The following TANGO6 variants were observed in gnomAD, a reference collection of about 807,000 sequenced individuals.
TANGO6 encodes the protein transport and golgi organization 6 homolog.
TANGO6 carries 90 observed loss-of-function variants against 114.2 expected under a neutral mutation model. The observed-to-expected ratio is 0.79, with a 90% CI of 0.66 to 0.94. TANGO6 has a LOEUF of 0.94. Among genes scored for constraint, TANGO6 ranks in the 40% least tolerant of loss-of-function variants. TANGO6 has a pLI of 0.00. For missense variants in TANGO6, 1,274 were observed against 1,315.3 expected (o/e 0.97, Z 0.49); for synonymous variants, 477 against 509.8 (o/e 0.94, Z 0.87).
In TANGO6 at chr16:68,907,557, C is replaced by T; in HGVS notation, c.1782C>T (p.Phe594=). ...HCQECGLAGD[F]FIFCLKELTH... is the part of the protein sequence containing the mutation. ...AGGAATGCGGTTTGGCAGGAGACTT[C>T]TTCATCTTCTGTTTGAAAGTAAGAA... The change falls in exon 10 of 18, where the codon TTC becomes TTT. Residue 594 remains phenylalanine (F), a synonymous_variant. Coordinates refer to ENST00000261778, the MANE Select transcript of TANGO6 (RefSeq NM_024562.2). 3 of 1,612,934 alleles carry T rather than the reference C, an allele frequency of 1.9e-6. No homozygotes were observed. The highest frequency in any genetic ancestry group is 2.5e-6 in the Non-Finnish European group (3 of 1,179,562).
chr16:68,882,475 T>C (rs958156959), intron 7 of TANGO6, among the ~76,000 whole-genome samples: 92 of 150,544 alleles, frequency 6.1e-4, no homozygotes, highest in African/African-American at 2.0e-3. Context: ...CCAGCCTGGG[T>C]GACAGAGCGA....
At position 69,026,349 on chromosome 16, in the gene TANGO6, T is replaced by G. The variant is rs190426664; in HGVS notation, c.2994+3370T>G. The G allele has an allele frequency of 3.1e-3, 481 of 153,056 alleles. 1 individual carries two copies. Among genetic ancestry groups the G allele is most frequent in the Non-Finnish European group, 5.1e-3 (348 of 68,354 alleles). The allele number at this position is 153,056 out of a possible 1,614,324, so 9.5% of individuals were successfully genotyped here. A position where few individuals can be genotyped will look rare whatever the true frequency, so the allele number is the denominator to read the frequency against. ...AAATTAAACATTATACCATCAACAT[T>G]TACGCTATAATCTTTCTCTCTGACA... On this transcript the variant is annotated intron_variant, in intron 16 of 17. Transcript: ENST00000261778.
intron 17 of TANGO6, among the ~76,000 whole-genome samples, chr16:69,073,328 C>G (rs1270973309): frequency 6.6e-6 from 1 of 152,208 alleles, no homozygotes; most frequent in East Asian, 1.9e-4. Context: ...ACAGGTTCCT[C>G]TTCCTCCACC....
At chr16:68,932,637 A>C (rs1390928181) in intron 14 of TANGO6, among the ~76,000 whole-genome samples, 1 of 151,974 alleles carries the variant, frequency 6.6e-6, no homozygotes, top group Non-Finnish European at 1.5e-5. Context: ...AACACCAAAA[A>C]AAGTTAGCCA....
At chr16:68,936,993 G>T (rs1423420878) in intron 14 of TANGO6, among the ~76,000 whole-genome samples, 1 of 152,142 alleles carries the variant, frequency 6.6e-6, no homozygotes, top group African/African-American at 2.4e-5. Flanking sequence ...GAAGGCAAAA[G>T]CCCGGAAGGG....
intron 12 of TANGO6, chr16:68,926,980 G>C (rs1373167105): frequency 6.5e-6 from 1 of 154,306 alleles, no homozygotes; most frequent in Admixed American, 6.4e-5. Context: ...TAGTAGTAAG[G>C]CATATGACAT....
intron 15 of TANGO6, among the ~76,000 whole-genome samples, chr16:69,011,670 C>G (rs1403104486): frequency 6.6e-6 from 1 of 152,182 alleles, no homozygotes; most frequent in African/African-American, 2.4e-5. Context: ...ATTGCCCAAG[C>G]TGGTCTTGAA....
rs775758455 is a variant in TANGO6 at position 68,859,979 on chromosome 16, G to A, written c.190G>A (p.Asp64Asn). The A allele has an allele frequency of 3.1e-6, 5 of 1,613,428 alleles. No individual in the cohort carries two copies. Among genetic ancestry groups the A allele is most frequent in the Non-Finnish European group, 3.4e-6 (4 of 1,179,568 alleles). Reference protein sequence around the residue: ...LSALEDKFLKDPQWKNLKLLR... With the variant: ...LSALEDKFLKNPQWKNLKLLR... ...TGCTTTGGAGGACAAGTTTCTGAAG[G>A]ATCCTCAGTGGAAGAATCTGAAACT... Residue 64 changes from aspartate (D) to asparagine (N), a missense_variant, in exon 2 of 18, where the codon GAT becomes AAT. Transcript: ENST00000261778.
At chr16:68,872,584 G>A (rs943079813) in intron 4 of TANGO6, among the ~76,000 whole-genome samples, 2 of 151,654 alleles carry the variant, frequency 1.3e-5, no homozygotes, top group Admixed American at 6.6e-5. Context: ...TTACAGACAT[G>A]AGCCACCGCC....
intron 16 of TANGO6, 148 bp downstream of exon 16, chr16:69,023,127 C>A: frequency 1.2e-6 from 1 of 825,924 alleles, no homozygotes; most frequent in Non-Finnish European, 1.8e-6. Flanking sequence ...TTGAACTTCC[C>A]AAGGCTTCAT....
chr16:69,033,726 T>C (rs1057448056), intron 16 of TANGO6: 4 of 152,232 alleles, frequency 2.6e-5, no homozygotes, highest in Non-Finnish European at 5.9e-5. Flanking sequence ...TGCCATGGCT[T>C]CCTCAGAGGC....
intron 15 of TANGO6, among the ~76,000 whole-genome samples, chr16:68,996,132 A>G (rs1963987400): frequency 6.6e-6 from 1 of 152,242 alleles, no homozygotes. Flanking sequence ...AAGTCAGAAC[A>G]GAGATGATTT....
intron 15 of TANGO6, among the ~76,000 whole-genome samples, chr16:69,012,559 AAAAAAAAAAAAAAAAAAAAGG>A (rs932611316): frequency 7.0e-6 from 1 of 143,234 alleles, no homozygotes; most frequent in African/African-American, 2.6e-5. Flanking sequence ...TCTGTCTCAA[AAAAAAAAAAAAAAAAAAAAGG>A]AAAAAAAAAA....
intron 14 of TANGO6, chr16:68,948,240 T>C (rs1485725444): frequency 1.3e-5 from 2 of 152,186 alleles, no homozygotes; most frequent in Non-Finnish European, 2.9e-5. Flanking sequence ...GCTACTTCAC[T>C]GTTAGCTATT....
intron 1 of TANGO6, among the ~76,000 whole-genome samples, chr16:68,851,258 C>T (rs1018929018): frequency 6.6e-6 from 1 of 152,130 alleles, no homozygotes; most frequent in African/African-American, 2.4e-5. Context: ...CTCCCAGGTT[C>T]AAGCGATTCT....
chr16:68,901,001 G>T (rs547042832), intron 8 of TANGO6, among the ~76,000 whole-genome samples: 2 of 152,176 alleles, frequency 1.3e-5, no homozygotes, highest in South Asian at 4.1e-4. Context: ...TAGATAGAAG[G>T]GATTTCTTAG....
intron 6 of TANGO6, among the ~76,000 whole-genome samples, chr16:68,879,855 A>G (rs566913242): frequency 4.9e-4 from 74 of 152,060 alleles, no homozygotes; most frequent in Admixed American, 4.1e-3. Flanking sequence ...TGACCTTGTG[A>G]TCCGCCTGCC....
chr16:69,065,768 C>A (rs964202939), intron 17 of TANGO6, among the ~76,000 whole-genome samples: 1 of 152,130 alleles, frequency 6.6e-6, no homozygotes, highest in African/African-American at 2.4e-5. Context: ...ACCGTCCTGA[C>A]GCTTTCAGTG....
At chr16:69,019,866 A>C (rs1176082219) in intron 15 of TANGO6, among the ~76,000 whole-genome samples, 2 of 152,194 alleles carry the variant, frequency 1.3e-5, no homozygotes, top group Non-Finnish European at 2.9e-5. Context: ...GGGTAAAAAT[A>C]GTATTTCATC....
Sources: allele counts gnomAD v4.1 joint callset (sites outside exome capture counted in the v4.1 genomes callset), GRCh38; gene constraint gnomAD v4.1.1; transcripts MANE v1.5; gene names NCBI Gene and HGNC (gene_info 2026-07-23, HGNC 2026-07-21).